Variants in ADAMTSL1 observed in about 807,000 individuals in gnomAD.
The protein encoded by ADAMTSL1 is ADAMTS like 1.
ADAMTSL1 carries 126 observed loss-of-function variants against 201.8 expected under a neutral mutation model. The ratio of observed to expected loss-of-function variants is 0.62; its 90% CI spans 0.54 to 0.72. ADAMTSL1 has a LOEUF of 0.72. ADAMTSL1 is among the 30% of genes least tolerant of loss of function. The pLI is 0.00. For synonymous variants in ADAMTSL1, 1,121 were observed against 903.4 expected, an observed-to-expected ratio of 1.24 and a Z score of -4.32; for missense variants, 2,679 against 2,277.8, an observed-to-expected ratio of 1.18 and a Z score of -3.59.
At chr9:18,789,084 C>G (rs557187791) in intron 19 of ADAMTSL1, among the ~76,000 whole-genome samples, 3 of 152,260 alleles carry the variant, frequency 2.0e-5, no homozygotes, top group African/African-American at 7.2e-5. Flanking sequence ...TCTATACACC[C>G]AATTTATGTT....
At chr9:18,489,436 A>G (rs1278517941) in intron 1 of ADAMTSL1, among the ~76,000 whole-genome samples, 1 of 152,198 alleles carries the variant, frequency 6.6e-6, no homozygotes, top group Non-Finnish European at 1.5e-5. Flanking sequence ...CATAGCATGC[A>G]CAAAGAGATT....
Position 18,769,910 on chromosome 9 carries a change from G to A in ADAMTSL1, c.2218-692G>A, listed in dbSNP as rs140025111. Among the ~76,000 whole-genome samples the A allele has an allele frequency of 2.0e-4, 30 of 152,278 alleles. No individual in the cohort carries two copies. The East Asian group carries it at 4.1e-3, about 21-fold the overall frequency. ...TAGCCAACAGTCTGTGCTTCAGGGGGCCTCCCTCCCACTTCATGCCCCTGG... is the reference window on the plus strand; with the variant it reads ...TAGCCAACAGTCTGTGCTTCAGGGGACCTCCCTCCCACTTCATGCCCCTGG... On this transcript the variant is annotated intron_variant, in intron 16 of 28. Coordinates refer to ENST00000380548, the MANE Select transcript of ADAMTSL1 (RefSeq NM_001040272.6).
chr9:18,072,513 G>A (rs1823014613), intron 1 of ADAMTSL1, among the ~76,000 whole-genome samples: 1 of 152,160 alleles, frequency 6.6e-6, no homozygotes, highest in East Asian at 1.9e-4. Flanking sequence ...TATGTGAACT[G>A]TGTGTACACA....
intron 2 of ADAMTSL1, among the ~76,000 whole-genome samples, chr9:18,167,540 C>T (rs185576647): frequency 6.6e-4 from 101 of 151,922 alleles, no homozygotes; most frequent in African/African-American, 2.3e-3. Context: ...TAAAAAAATG[C>T]AATTTACTAA....
At chr9:18,688,924 T>A (rs897970794) in intron 13 of ADAMTSL1, among the ~76,000 whole-genome samples, 1 of 151,314 alleles carries the variant, frequency 6.6e-6, no homozygotes, top group African/African-American at 2.4e-5. Context: ...ATGGGAAAAA[T>A]ACTGATAAAA....
chr9:18,059,072 T>C (rs1473091253), intron 1 of ADAMTSL1, among the ~76,000 whole-genome samples: 1 of 152,228 alleles, frequency 6.6e-6, no homozygotes, highest in Non-Finnish European at 1.5e-5. Context: ...TCCTATCCAG[T>C]ATCTTGCCCT....
chr9:18,448,582 G>A (rs1367829191), intron 2 of ADAMTSL1, among the ~76,000 whole-genome samples: 4 of 152,244 alleles, frequency 2.6e-5, no homozygotes, highest in Admixed American at 2.6e-4. Flanking sequence ...AGTTATATCT[G>A]GAAAATTATA....
chr9:18,648,098 T>C (rs1048449611), intron 7 of ADAMTSL1, among the ~76,000 whole-genome samples: 18 of 145,912 alleles, frequency 1.2e-4, no homozygotes, highest in African/African-American at 4.2e-4. Context: ...ATATTTAGGA[T>C]AGTTAGCTCT....
At chr9:18,099,875 C>G (rs1824442268) in intron 1 of ADAMTSL1, among the ~76,000 whole-genome samples, 1 of 152,110 alleles carries the variant, frequency 6.6e-6, no homozygotes, top group South Asian at 2.1e-4. Context: ...ATCCGCCCAC[C>G]TCAGCCTCCC....
At chr9:18,417,823 C>T (rs893120598) in intron 2 of ADAMTSL1, among the ~76,000 whole-genome samples, 1 of 152,178 alleles carries the variant, frequency 6.6e-6, no homozygotes, top group Non-Finnish European at 1.5e-5. Context: ...CACGTCTACC[C>T]AATCTCTTCC....
intron 3 of ADAMTSL1, among the ~76,000 whole-genome samples, chr9:18,546,041 A>C (rs1304151841): frequency 6.6e-6 from 1 of 152,200 alleles, no homozygotes; most frequent in African/African-American, 2.4e-5. Flanking sequence ...TTATTTAATT[A>C]GTTAACAAGT....
At chr9:18,550,315 A>G (rs2132216828) in intron 3 of ADAMTSL1, among the ~76,000 whole-genome samples, 1 of 152,016 alleles carries the variant, frequency 6.6e-6, no homozygotes, top group East Asian at 1.9e-4. Context: ...TATTCAGGTG[A>G]GCCTCATCTA....
intron 15 of ADAMTSL1, among the ~76,000 whole-genome samples, chr9:18,744,488 C>T (rs1397530468): frequency 6.6e-6 from 1 of 152,188 alleles, no homozygotes; most frequent in Non-Finnish European, 1.5e-5. Flanking sequence ...TACTTGTTTC[C>T]CATCCTCACA....
At chr9:17,926,746 C>G (rs909660269) in intron 1 of ADAMTSL1, among the ~76,000 whole-genome samples, 2 of 152,076 alleles carry the variant, frequency 1.3e-5, no homozygotes, top group Non-Finnish European at 2.9e-5. Flanking sequence ...CACCAATGAG[C>G]TTTTCCAAGC....
At chr9:17,934,939 C>A (rs1236947616) in intron 1 of ADAMTSL1, among the ~76,000 whole-genome samples, 1 of 151,268 alleles carries the variant, frequency 6.6e-6, no homozygotes, top group Non-Finnish European at 1.5e-5. Flanking sequence ...ATTGGACCTT[C>A]CCCTTTAAAC....
At chr9:18,044,053 T>C (rs1423160702) in intron 1 of ADAMTSL1, among the ~76,000 whole-genome samples, 1 of 149,766 alleles carries the variant, frequency 6.7e-6, no homozygotes, top group Non-Finnish European at 1.5e-5. Context: ...ATTGTTATCA[T>C]TGTGATCAAC....
intron 1 of ADAMTSL1, among the ~76,000 whole-genome samples, chr9:17,927,038 A>G (rs1826566540): frequency 6.6e-6 from 1 of 152,188 alleles, no homozygotes; most frequent in South Asian, 2.1e-4. Flanking sequence ...CTGAAAGTCT[A>G]TAGCCACGAA....
intron 4 of ADAMTSL1, among the ~76,000 whole-genome samples, chr9:18,587,150 G>A (rs936357117): frequency 3.3e-5 from 5 of 152,046 alleles, no homozygotes; most frequent in African/African-American, 9.7e-5. Flanking sequence ...ACTATCAACA[G>A]AGTAAACAGA....
chr9:18,070,175 AAGAACC>A, intron 1 of ADAMTSL1, among the ~76,000 whole-genome samples: 1 of 152,342 alleles, frequency 6.6e-6, no homozygotes, highest in South Asian at 2.1e-4. Context: ...CAAGCATTCA[AAGAACC>A]AGAATAACCA....
Sources: gnomAD v4.1 joint callset for allele counts (sites outside exome capture counted in the v4.1 genomes callset) on GRCh38, gnomAD v4.1.1 for gene constraint, MANE v1.5 for transcripts, NCBI Gene and HGNC (gene_info 2026-07-23, HGNC 2026-07-21) for gene names.